ZNF385B: variants seen among roughly 807,000 people sequenced by gnomAD.
ZNF385B encodes the protein zinc finger protein 385B, also known as zinc finger protein 533.
ZNF385B carries 23 observed loss-of-function variants against 39.2 expected under a neutral mutation model. The ratio of observed to expected loss-of-function variants is 0.59; its 90% CI spans 0.42 to 0.83. The LOEUF (loss-of-function observed/expected upper bound fraction) is 0.83. Ranked by LOEUF, ZNF385B falls within the 40% of genes least tolerant of loss-of-function variation. The pLI is 0.00. For synonymous variants in ZNF385B, 205 were observed against 222.6 expected (o/e 0.92, Z 0.70); for missense variants, 552 against 598.9 (o/e 0.92, Z 0.82).
intron 5 of ZNF385B, among the ~76,000 whole-genome samples, chr2:179,503,165 GTGCCTGGTAAGAATTATTTTGTA>G (rs1403823695): frequency 4.6e-5 from 7 of 152,198 alleles, no homozygotes; most frequent in African/African-American, 1.7e-4. Flanking sequence ...ATGAGCCACT[GTGCCTGGTAAGAATTATTTTGTA>G]TCATATCTTT....
At chr2:179,611,211 CT>C (rs1689259553) in intron 3 of ZNF385B, among the ~76,000 whole-genome samples, 1 of 152,080 alleles carries the variant, frequency 6.6e-6, no homozygotes, top group African/African-American at 2.4e-5. Flanking sequence ...TTGAAGTATA[CT>C]CTTTTCATAT....
At chr2:179,591,094 A>C (rs1407166103) in intron 3 of ZNF385B, among the ~76,000 whole-genome samples, 1 of 103,056 alleles carries the variant, frequency 9.7e-6, no homozygotes, top group Non-Finnish European at 2.0e-5. Context: ...AGAGTGGTTC[A>C]TGATTCATTT....
chr2:179,761,507 A>T (rs1227297190), intron 3 of ZNF385B, among the ~76,000 whole-genome samples: 1 of 152,034 alleles, frequency 6.6e-6, no homozygotes, highest in Admixed American at 6.5e-5. Context: ...TTAGGAAGTG[A>T]TTATAAATGG....
intron 5 of ZNF385B, among the ~76,000 whole-genome samples, chr2:179,516,183 C>T (rs1312059245): frequency 6.6e-6 from 1 of 151,894 alleles, no homozygotes; most frequent in African/African-American, 2.4e-5. Context: ...GTTTATTGAT[C>T]AGTTGATGGA....
chr2:179,777,876 A>T (rs1704429816), intron 1 of ZNF385B, among the ~76,000 whole-genome samples: 1 of 151,368 alleles, frequency 6.6e-6, no homozygotes. Context: ...GGGTTCAAGC[A>T]ATTCTCCCGC....
At chr2:179,493,490 AACGTGTGTGTACATATATGCGTAT>A (rs1238546073) in intron 5 of ZNF385B, among the ~76,000 whole-genome samples, 1 of 36,300 alleles carries the variant, frequency 2.8e-5, no homozygotes, top group African/African-American at 7.0e-5. Flanking sequence ...CATATGTATA[AACGTGTGTGTACATATATGCGTAT>A]ACATATGTGT....
chr2:179,764,724 A>G (rs13017621), intron 3 of ZNF385B, among the ~76,000 whole-genome samples: 41,422 of 152,128 alleles, frequency 0.27, 5,801 homozygotes, highest in Admixed American at 0.32. Flanking sequence ...TGTTTTTAGC[A>G]TCAGATGATT....
chr2:179,551,470 C>T (rs1040693415), intron 3 of ZNF385B, among the ~76,000 whole-genome samples: 1 of 138,270 alleles, frequency 7.2e-6, no homozygotes, highest in Non-Finnish European at 1.6e-5. Context: ...CTGGACCCAA[C>T]ATGGCACTGG....
chr2:179,833,583 G>T (rs1412483277), intron 1 of ZNF385B, among the ~76,000 whole-genome samples: 1 of 152,056 alleles, frequency 6.6e-6, no homozygotes, highest in Non-Finnish European at 1.5e-5. Flanking sequence ...TTCACTGGTG[G>T]TTACTATACA....
At chr2:179,751,559 AT>A (rs750879445) in intron 3 of ZNF385B, among the ~76,000 whole-genome samples, 3 of 152,160 alleles carry the variant, frequency 2.0e-5, no homozygotes, top group Admixed American at 1.3e-4. Context: ...AAGAGTTATA[AT>A]ACCTATCATT....
At chr2:179,522,345 CT>C (rs1304293266) in intron 4 of ZNF385B, among the ~76,000 whole-genome samples, 1 of 152,088 alleles carries the variant, frequency 6.6e-6, no homozygotes, top group Non-Finnish European at 1.5e-5. Flanking sequence ...AAATTTTTTC[CT>C]TTGCTAGTGC....
chr2:179,608,000 T>C (rs1013858816), intron 3 of ZNF385B, among the ~76,000 whole-genome samples: 3 of 150,114 alleles, frequency 2.0e-5, no homozygotes, highest in Non-Finnish European at 4.4e-5. Context: ...CTGTAATCTC[T>C]GCCTCCTGGG....
chr2:179,457,075 C>A (rs1248013187), intron 6 of ZNF385B, among the ~76,000 whole-genome samples: 1 of 152,092 alleles, frequency 6.6e-6, no homozygotes, highest in Non-Finnish European at 1.5e-5. Context: ...AAGATAACCA[C>A]CTCTATTAAC....
chr2:179,803,078 C>T (rs1402353700), intron 1 of ZNF385B, among the ~76,000 whole-genome samples: 1 of 152,100 alleles, frequency 6.6e-6, no homozygotes, highest in Non-Finnish European at 1.5e-5. Context: ...TTTTTATCAT[C>T]CTCATGTTAC....
At chr2:179,844,895 T>C (rs142043212) in intron 1 of ZNF385B, among the ~76,000 whole-genome samples, 27 of 152,320 alleles carry the variant, frequency 1.8e-4, no homozygotes, top group African/African-American at 5.8e-4. Flanking sequence ...ATAACATCTA[T>C]AAACTATTAA....
intron 3 of ZNF385B, among the ~76,000 whole-genome samples, chr2:179,550,154 T>A (rs1291393037): frequency 4.0e-5 from 6 of 149,608 alleles, no homozygotes; most frequent in Non-Finnish European, 5.9e-5. Context: ...ACTATAATCA[T>A]TAAAAGTCTA....
chr2:179,446,514 T>A lies in ZNF385B; in HGVS notation c.961+11A>T. 1.2e-6 allele frequency: 2 copies of A among 1,600,896 alleles called. No individual in the cohort carries two copies. Among genetic ancestry groups the A allele is most frequent in the East Asian group, 2.2e-5 (1 of 44,672 alleles). On this transcript the variant is annotated intron_variant, in intron 7 of 9. Transcript: ENST00000410066. Reference sequence around the variant, plus strand: ...ATAAACATTATTTAAATGCAAAAGATAGCTGCTAACCTGTGTTGTGTGCCT... The same window carrying A: ...ATAAACATTATTTAAATGCAAAAGAAAGCTGCTAACCTGTGTTGTGTGCCT...
At chr2:179,450,957 G>A (rs1006759776) in intron 6 of ZNF385B, among the ~76,000 whole-genome samples, 6 of 151,998 alleles carry the variant, frequency 3.9e-5, no homozygotes, top group East Asian at 1.9e-4. Flanking sequence ...GCAGGGACAT[G>A]GATGAAGCTG....
chr2:179,514,667 C>A (rs1313550452), intron 5 of ZNF385B, among the ~76,000 whole-genome samples: 5 of 151,774 alleles, frequency 3.3e-5, no homozygotes, highest in Admixed American at 3.3e-4. Context: ...TTTGCATAAG[C>A]AAGCCCTGGA....
Sources: gnomAD v4.1 joint callset for allele counts (sites outside exome capture counted in the v4.1 genomes callset) on GRCh38, gnomAD v4.1.1 for gene constraint, MANE v1.5 for transcripts, NCBI Gene and HGNC (gene_info 2026-07-23, HGNC 2026-07-21) for gene names.